Variants in NBAS observed in about 807,000 individuals in gnomAD.
The protein encoded by NBAS is NBAS subunit of NRZ tethering complex.
Under a neutral mutation model 302.5 loss-of-function variants are expected in NBAS, and 219 were observed. The observed-to-expected ratio is 0.72, with a 90% CI of 0.65 to 0.81. The LOEUF (loss-of-function observed/expected upper bound fraction) is 0.81, where lower values mean the gene tolerates loss of function less well. NBAS is among the 30% of genes least tolerant of loss of function. The pLI, the probability that NBAS is intolerant of heterozygous loss-of-function variation, is 0.00. For missense variants in NBAS, 2,932 were observed against 2,841.6 expected, an observed-to-expected ratio of 1.03 and a Z score of -0.72; for synonymous variants, 1,118 against 1,021.6, an observed-to-expected ratio of 1.09 and a Z score of -1.80.
rs767417791 is a variant in NBAS, at chr2:15,474,057, ACT to A, written c.1599+8_1599+9del. The stretch of plus-strand genomic sequence containing the variant: ...CTTCAAACTTGGGTAGTAATATGCT[ACT>A]CTCTCACCTTCCTCTGATAAAGTTC... On this transcript the variant is annotated splice_region_variant and intron_variant, in intron 15 of 51. Coordinates refer to ENST00000281513, the MANE Select transcript of NBAS (RefSeq NM_015909.4). 5.6e-6 allele frequency: 9 copies of A among 1,613,916 alleles called. No homozygotes were observed. Among genetic ancestry groups the A allele is most frequent in the Admixed American group, 3.3e-5 (2 of 59,988 alleles).
the NBAS span, among the ~76,000 whole-genome samples, chr2:14,882,148 C>T: frequency 6.6e-6 from 1 of 152,184 alleles, no homozygotes; most frequent in Non-Finnish European, 1.5e-5. Flanking sequence ...ATGCTCAACA[C>T]AGTGTATTAG....
intron 51 of NBAS, among the ~76,000 whole-genome samples, chr2:15,177,140 T>A: frequency 6.6e-6 from 1 of 152,214 alleles, no homozygotes; most frequent in East Asian, 1.9e-4. Context: ...GATTCTTGGA[T>A]CTGAAGGGCA....
At chr2:15,417,431 T>G in intron 24 of NBAS, 96 bp downstream of exon 24, 4 of 1,056,636 alleles carry the variant, frequency 3.8e-6, no homozygotes, top group Non-Finnish European at 5.6e-6. Context: ...TTCTCAGGTC[T>G]GTAGAACATT....
At chr2:15,159,452 C>A in the NBAS span, among the ~76,000 whole-genome samples, 2 of 92,384 alleles carry the variant, frequency 2.2e-5, no homozygotes, top group African/African-American at 6.8e-5. Context: ...AAAGGAGGGA[C>A]CAGCACGTTA....
chr2:14,976,120 G>C, the NBAS span, among the ~76,000 whole-genome samples: 1 of 152,232 alleles, frequency 6.6e-6, no homozygotes, highest in Non-Finnish European at 1.5e-5. Context: ...CAGATGTAGA[G>C]CTAAGAAGCA....
the NBAS span, among the ~76,000 whole-genome samples, chr2:15,003,493 A>G: frequency 6.6e-6 from 1 of 152,218 alleles, no homozygotes. Context: ...TTCATTCTGC[A>G]TCTCCCAGTT....
chr2:14,974,586 C>T, the NBAS span, among the ~76,000 whole-genome samples: 1 of 152,164 alleles, frequency 6.6e-6, no homozygotes, highest in South Asian at 2.1e-4. Flanking sequence ...AGTTACAAAT[C>T]CTGTTAAAAT....
intron 49 of NBAS, among the ~76,000 whole-genome samples, chr2:15,187,989 G>A (rs1278440687): frequency 6.6e-6 from 1 of 152,188 alleles, no homozygotes; most frequent in Non-Finnish European, 1.5e-5. Flanking sequence ...TACACTCAAG[G>A]ACTTCCCCTC....
intron 28 of NBAS, among the ~76,000 whole-genome samples, chr2:15,384,508 T>C (rs1675192436): frequency 7.7e-6 from 1 of 129,908 alleles, no homozygotes; most frequent in African/African-American, 2.9e-5. Flanking sequence ...TAACTTATAC[T>C]AAAATATATG....
intron 21 of NBAS, among the ~76,000 whole-genome samples, chr2:15,452,310 G>A (rs762876441): frequency 5.3e-5 from 8 of 152,084 alleles, no homozygotes; most frequent in Non-Finnish European, 8.8e-5. Context: ...GTGTATCATG[G>A]CCAGGATGGG....
the NBAS span, among the ~76,000 whole-genome samples, chr2:15,078,266 A>G: frequency 6.6e-6 from 1 of 152,220 alleles, no homozygotes; most frequent in Admixed American, 6.5e-5. Flanking sequence ...CAGTTTCCCT[A>G]TGGTGGCTGG....
chr2:15,125,856 G>A, the NBAS span, among the ~76,000 whole-genome samples: 21 of 152,158 alleles, frequency 1.4e-4, no homozygotes, highest in African/African-American at 3.4e-4. Context: ...CTTTGGACTC[G>A]GAACTTGGAG....
chr2:15,085,424 G>A, the NBAS span, among the ~76,000 whole-genome samples: 1 of 152,122 alleles, frequency 6.6e-6, no homozygotes, highest in African/African-American at 2.4e-5. Context: ...TCAGGCCTGG[G>A]GCCCGATCCC....
the NBAS span, among the ~76,000 whole-genome samples, chr2:15,156,729 C>T: frequency 6.6e-6 from 1 of 152,150 alleles, no homozygotes; most frequent in East Asian, 1.9e-4. Flanking sequence ...CAAAATCCTC[C>T]AGACCACAGC....
the NBAS span, among the ~76,000 whole-genome samples, chr2:15,098,944 TG>T: frequency 6.6e-6 from 1 of 151,532 alleles, no homozygotes; most frequent in Admixed American, 6.6e-5. Flanking sequence ...GACTGAATGT[TG>T]GTGTCCCCCT....
chr2:14,813,945 GGTGCC>G, the NBAS span, among the ~76,000 whole-genome samples: 1 of 152,200 alleles, frequency 6.6e-6, no homozygotes. Flanking sequence ...CTTGAGACGT[GGTGCC>G]CTGCATCCCA....
intron 25 of NBAS, among the ~76,000 whole-genome samples, chr2:15,408,352 T>G (rs1299539286): frequency 6.6e-6 from 1 of 152,204 alleles, no homozygotes; most frequent in Non-Finnish European, 1.5e-5. Flanking sequence ...TTCTTACTAT[T>G]GTTCACCTTG....
chr2:15,320,277 C>A (rs1671736174), intron 38 of NBAS, among the ~76,000 whole-genome samples: 1 of 152,024 alleles, frequency 6.6e-6, no homozygotes, highest in African/African-American at 2.4e-5. Context: ...TATGACAAAC[C>A]CACAGCCAAT....
the NBAS span, among the ~76,000 whole-genome samples, chr2:14,800,372 C>T: frequency 2.7e-4 from 41 of 152,200 alleles, no homozygotes; most frequent in Non-Finnish European, 5.1e-4. Flanking sequence ...GCCATCCACT[C>T]AAGATGTGAC....
Sources: gnomAD v4.1 joint callset for allele counts (sites outside exome capture counted in the v4.1 genomes callset) on GRCh38, gnomAD v4.1.1 for gene constraint, MANE v1.5 for transcripts, NCBI Gene and HGNC (gene_info 2026-07-23, HGNC 2026-07-21) for gene names.